The following THSD4 variants were observed in gnomAD, a reference collection of about 807,000 sequenced individuals.
The protein encoded by THSD4 is thrombospondin type-1 domain-containing protein 4.
A neutral mutation model predicts 119.0 loss-of-function variants in THSD4; 69 were observed. That is an observed-to-expected ratio of 0.58 (90% CI 0.48 to 0.71). The LOEUF (loss-of-function observed/expected upper bound fraction) is 0.71, where lower values mean the gene tolerates loss of function less well. Among genes scored for constraint, THSD4 ranks in the 30% least tolerant of loss-of-function variants. The pLI is 0.00. For missense variants in THSD4, 1,393 were observed against 1,391.1 expected (o/e 1.00, Z -0.02); for synonymous variants, 524 against 540.4 (o/e 0.97, Z 0.42).
chr15:71,659,588 T>C (rs1167801622), intron 7 of THSD4, among the ~76,000 whole-genome samples: 1 of 152,064 alleles, frequency 6.6e-6, no homozygotes. Flanking sequence ...AATTTTTTAC[T>C]TTTTGTAAAG....
At chr15:71,522,329 A>G (rs79328233) in intron 7 of THSD4, among the ~76,000 whole-genome samples, 1,895 of 152,270 alleles carry the variant, frequency 0.012, 33 homozygotes, top group African/African-American at 0.041. Context: ...AGATTAGCCA[A>G]CATATTTTAC....
Position 71,215,042 on chromosome 15 carries a change from A to G in THSD4, c.107A>G (p.Gln36Arg). Residue 36 changes from glutamine to arginine, a missense_variant, in exon 4 of 18, where the codon CAG (glutamine) becomes CGG (arginine). Physicochemically the swap from Gln to Arg is conservative, Grantham distance 43. Transcript: ENST00000261862. ...QPSTQHRKVP[Q>R]RMAAEGAPED... ...CTGCCTCTGTCTCCGCAGGTCCCGC[A>G]GCGGATGGCGGCGGAGGGCGCCCCC... 1 of 1,288,800 alleles carries G rather than the reference A, an allele frequency of 7.8e-7. No individual in the cohort carries two copies. Among genetic ancestry groups the G allele is most frequent in the Non-Finnish European group, 9.9e-7 (1 of 1,013,412 alleles). 79.8% of individuals were successfully genotyped at this position (1,288,800 alleles called of 1,614,324 possible).
At chr15:71,380,357 G>A (rs964629590) in intron 6 of THSD4, among the ~76,000 whole-genome samples, 1 of 152,088 alleles carries the variant, frequency 6.6e-6, no homozygotes, top group African/African-American at 2.4e-5. Context: ...TTTGGTCACA[G>A]TATGGAATTC....
At chr15:71,580,107 G>A (rs1287528761) in intron 7 of THSD4, among the ~76,000 whole-genome samples, 1 of 152,148 alleles carries the variant, frequency 6.6e-6, no homozygotes, top group African/African-American at 2.4e-5. Flanking sequence ...TTTGTACACA[G>A]CAGGCAGTAA....
chr15:71,300,199 C>A (rs1328083241), intron 6 of THSD4, among the ~76,000 whole-genome samples: 1 of 151,554 alleles, frequency 6.6e-6, no homozygotes, highest in Non-Finnish European at 1.5e-5. Context: ...TAAAAAAGAA[C>A]AGTTTAGCAA....
At chr15:71,670,607 C>T (rs2051505353) in intron 8 of THSD4, among the ~76,000 whole-genome samples, 1 of 151,822 alleles carries the variant, frequency 6.6e-6, no homozygotes. Flanking sequence ...ATTAACTTGT[C>T]ATTTACATTA....
intron 7 of THSD4, among the ~76,000 whole-genome samples, chr15:71,470,914 C>T (rs2047568742): frequency 6.6e-6 from 1 of 152,230 alleles, no homozygotes; most frequent in South Asian, 2.1e-4. Context: ...GGATTACAGG[C>T]GTGAGCCACC....
intron 1 of THSD4, among the ~76,000 whole-genome samples, chr15:71,124,034 G>T (rs939210814): frequency 6.6e-6 from 1 of 152,126 alleles, no homozygotes; most frequent in Admixed American, 6.5e-5. Context: ...CCAAGCTGGT[G>T]GTCGTGGTTG....
At chr15:71,596,480 AGAGTTTTGTATTTTATAAACT>A (rs1264255651) in intron 7 of THSD4, among the ~76,000 whole-genome samples, 3 of 152,234 alleles carry the variant, frequency 2.0e-5, no homozygotes, top group African/African-American at 7.2e-5. Flanking sequence ...CTTATTGCTA[AGAGTTTTGTATTTTATAAACT>A]GAGTTGCCAT....
chr15:71,734,805 TAA>T (rs1257319812), intron 10 of THSD4, among the ~76,000 whole-genome samples: 19 of 96,508 alleles, frequency 2.0e-4, no homozygotes, highest in East Asian at 5.8e-4. Context: ...AAAACTGCTC[TAA>T]AAAAAAAAAA....
rs140826125 is a variant in THSD4, at chr15:71,193,215, T to C, written c.100-21820T>C. 1.0e-3 allele frequency among the ~76,000 whole-genome samples: 154 copies of C among 152,256 alleles called. 2 individuals carry two copies. In the East Asian group the frequency reaches 0.026, roughly 26 times the overall value. Reference sequence around the variant, plus strand: ...GCTGTTATTGTCTGGGGTTTCTTACTGGGCGTCCACACTCAGAAAGGACCC... The same window carrying C: ...GCTGTTATTGTCTGGGGTTTCTTACCGGGCGTCCACACTCAGAAAGGACCC... On this transcript the variant is annotated intron_variant, in intron 3 of 17. Transcript: ENST00000261862.
At chr15:71,598,816 C>T (rs547274788) in intron 7 of THSD4, among the ~76,000 whole-genome samples, 1 of 152,170 alleles carries the variant, frequency 6.6e-6, no homozygotes, top group East Asian at 1.9e-4. Flanking sequence ...CAGGGTTTCG[C>T]CCTGTTGCCC....
chr15:71,651,923 G>T (rs2051097774), intron 7 of THSD4, among the ~76,000 whole-genome samples: 3 of 152,188 alleles, frequency 2.0e-5, no homozygotes, highest in Admixed American at 2.0e-4. Flanking sequence ...TGTGTGTTAA[G>T]GAAATGACAA....
At chr15:71,137,748 C>T (rs2040564804) in intron 1 of THSD4, among the ~76,000 whole-genome samples, 1 of 152,128 alleles carries the variant, frequency 6.6e-6, no homozygotes, top group Non-Finnish European at 1.5e-5. Flanking sequence ...AGTGACCAAT[C>T]AAATCTGATA....
chr15:71,277,045 C>T (rs2044598409), intron 6 of THSD4, among the ~76,000 whole-genome samples: 1 of 151,730 alleles, frequency 6.6e-6, no homozygotes, highest in Non-Finnish European at 1.5e-5. Context: ...GATTGTATTT[C>T]CTGTCTGCAT....
At position 71,238,295 on chromosome 15, in the gene THSD4, T is replaced by TA. The variant is rs201245956; in HGVS notation, c.465-4346dup. ...ATCCTTGTAAGTAAACATGCTTTCT[T>TA]AAAAAAAACTTTATTGAGATATAAC... is the stretch of plus-strand genomic sequence containing the variant. On this transcript the variant is annotated intron_variant, in intron 4 of 17. Coordinates refer to ENST00000261862, the MANE Select transcript of THSD4 (RefSeq NM_024817.3). Among the ~76,000 whole-genome samples the TA allele has an allele frequency of 6.7e-3, 1,019 of 152,234 alleles. 16 individuals are homozygous for TA. Among genetic ancestry groups the TA allele is most frequent in the African/African-American group, 0.023 (965 of 41,544 alleles).
At chr15:71,117,079 C>T (rs778853777) in intron 1 of THSD4, among the ~76,000 whole-genome samples, 2 of 151,944 alleles carry the variant, frequency 1.3e-5, no homozygotes, top group East Asian at 1.9e-4. Flanking sequence ...AGGTCTGGGC[C>T]TGGGAAATGA....
intron 6 of THSD4, among the ~76,000 whole-genome samples, chr15:71,338,510 T>G (rs1019417025): frequency 1.2e-4 from 18 of 152,280 alleles, no homozygotes; most frequent in African/African-American, 3.8e-4. Context: ...TGATCTACTC[T>G]GCAGTGAGGT....
At chr15:71,469,971 A>C (rs1025737748) in intron 7 of THSD4, among the ~76,000 whole-genome samples, 12 of 152,188 alleles carry the variant, frequency 7.9e-5, no homozygotes, top group African/African-American at 2.2e-4. Flanking sequence ...GAGATGTCCA[A>C]GCTGGATTTT....
Sources: allele counts gnomAD v4.1 joint callset (sites outside exome capture counted in the v4.1 genomes callset), GRCh38; gene constraint gnomAD v4.1.1; transcripts MANE v1.5; gene names NCBI Gene and HGNC (gene_info 2026-07-23, HGNC 2026-07-21).